SEC63: variants seen among roughly 807,000 people sequenced by gnomAD.
SEC63 encodes the protein SEC63 protein translocation regulator.
SEC63 carries 56 observed loss-of-function variants against 116.2 expected under a neutral mutation model. That is an observed-to-expected ratio of 0.48 (90% confidence interval 0.39 to 0.60). SEC63 has a LOEUF of 0.60. Among genes scored for constraint, SEC63 ranks in the 20% least tolerant of loss-of-function variants. The pLI, the probability that SEC63 is intolerant of heterozygous loss-of-function variation, is 0.00. For missense variants in SEC63, 668 were observed against 900.0 expected (o/e 0.74, Z 3.30); for synonymous variants, 273 against 294.6 (o/e 0.93, Z 0.75).
Position 107,950,551 on chromosome 6 carries a change from T to C in SEC63, c.124+7335A>G, listed in dbSNP as rs186721111. On this transcript the variant is annotated intron_variant, in intron 1 of 20. Coordinates refer to ENST00000369002, the MANE Select transcript of SEC63 (RefSeq NM_007214.5). ...GATATTTTATTTTGAAAGACAGATA[T>C]CATACAAAGTATCTTCTCTGACCGT... is the stretch of plus-strand genomic sequence containing the variant. 8.5e-5 allele frequency among the ~76,000 whole-genome samples: 13 copies of C among 152,296 alleles called. No homozygotes were observed. The East Asian group carries it at 1.5e-3, about 18-fold the overall frequency.
At chr6:107,897,001 A>G (rs73499147) in intron 14 of SEC63, among the ~76,000 whole-genome samples, 6,017 of 150,336 alleles carry the variant, frequency 0.04, 397 homozygotes, top group African/African-American at 0.14. Context: ...AAAAAGAAGG[A>G]AGGGAGGGAA....
chr6:107,893,944 T>C, intron 14 of SEC63, 47 bp from the exon 15 acceptor site: 1 of 1,584,484 alleles, frequency 6.3e-7, no homozygotes, highest in Non-Finnish European at 8.7e-7. Context: ...AACCTATATT[T>C]ATCTTTCAGA....
chr6:107,903,667 T>C (rs1018994165), intron 11 of SEC63, among the ~76,000 whole-genome samples: 4 of 152,152 alleles, frequency 2.6e-5, no homozygotes, highest in African/African-American at 9.7e-5. Flanking sequence ...ATTACCCTAC[T>C]GGACTCCAGC....
At chr6:107,951,413 C>G (rs972691864) in intron 1 of SEC63, among the ~76,000 whole-genome samples, 1 of 152,152 alleles carries the variant, frequency 6.6e-6, no homozygotes, top group African/African-American at 2.4e-5. Flanking sequence ...TCTGTAAGTG[C>G]TTCTTAGCTA....
At position 107,921,912 on chromosome 6, in the gene SEC63, G is replaced by GGGT; in HGVS notation, c.340-4_340-3insACC. 1.5e-6 allele frequency: 2 copies of GGGT among 1,294,322 alleles called. No individual in the cohort carries two copies. Among genetic ancestry groups the GGGT allele is most frequent in the Non-Finnish European group, 1.0e-6 (1 of 970,676 alleles). The allele number at this position is 1,294,322 out of a possible 1,614,324, so 80.2% of individuals were successfully genotyped here. ...TTAATTTCTGCTACTGTGGCTCCCTGGGGAAAAACAAAAAAAAAAAACAAG... is the reference window on the plus strand; with the variant it reads ...TTAATTTCTGCTACTGTGGCTCCCTGGGTGGGAAAAACAAAAAAAAAAAACAAG... On this transcript the variant is annotated splice_region_variant and splice_polypyrimidine_tract_variant and intron_variant, in intron 3 of 20. Coordinates refer to ENST00000369002, the MANE Select transcript of SEC63 (RefSeq NM_007214.5).
intron 7 of SEC63, 168 bp downstream of exon 7, chr6:107,911,178 A>G (rs1240286731): frequency 3.2e-6 from 2 of 630,920 alleles, no homozygotes; most frequent in African/African-American, 3.7e-5. Flanking sequence ...CGCAACCTCA[A>G]ACACCTAGGC....
At position 107,943,045 on chromosome 6, in the gene SEC63, A is replaced by G. The variant is rs1419772308; in HGVS notation, c.125-13531T>C. ...TATGGTATCACACTGAATACAAAGAAAAATACAAGAGAACCTCAAGAGATC... is the reference window on the plus strand; with the variant it reads ...TATGGTATCACACTGAATACAAAGAGAAATACAAGAGAACCTCAAGAGATC... On this transcript the variant is annotated intron_variant, in intron 1 of 20. Transcript: ENST00000369002. 6.6e-5 allele frequency among the ~76,000 whole-genome samples: 10 copies of G among 152,224 alleles called. No individual in the cohort carries two copies. The East Asian group carries it at 1.9e-3, about 29-fold the overall frequency.
rs1786996894 is a variant in SEC63 at position 107,901,277 on chromosome 6, T to C, written c.1357+93A>G. On this transcript the variant is annotated intron_variant, in intron 13 of 20. Coordinates refer to ENST00000369002, the MANE Select transcript of SEC63 (RefSeq NM_007214.5). Reference sequence around the variant, plus strand: ...CAAAGTCTAATAACAAGTTATGTTATTAAGTACAGTGTTTTGAGAATCCTG... The same window carrying C: ...CAAAGTCTAATAACAAGTTATGTTACTAAGTACAGTGTTTTGAGAATCCTG... The C allele has an allele frequency of 1.7e-5, 21 of 1,225,636 alleles. No individual in the cohort carries two copies. In the South Asian group the frequency reaches 2.5e-4, roughly 15 times the overall value. The allele number at this position is 1,225,636 out of a possible 1,614,324, so 75.9% of individuals were successfully genotyped here.
chr6:107,920,267 CA>C (rs917712230), intron 4 of SEC63, among the ~76,000 whole-genome samples: 1 of 151,284 alleles, frequency 6.6e-6, no homozygotes, highest in Non-Finnish European at 1.5e-5. Context: ...GCTAAAAATA[CA>C]AAAAAACATT....
rs1787046449 is a variant in SEC63 at position 107,903,100 on chromosome 6, C to T, written c.1055-102G>A. 9 of 1,173,896 alleles carry T rather than the reference C, an allele frequency of 7.7e-6. No individual in the cohort carries two copies. In the South Asian group the frequency reaches 9.0e-5, roughly 12 times the overall value. The allele number at this position is 1,173,896 out of a possible 1,614,324, so 72.7% of individuals were successfully genotyped here. A position where few individuals can be genotyped will look rare whatever the true frequency, so the allele number is the denominator to read the frequency against. On this transcript the variant is annotated intron_variant, in intron 11 of 20. Coordinates refer to ENST00000369002, the MANE Select transcript of SEC63 (RefSeq NM_007214.5). ...AAAATTCACACTAAATCCATAACAC[C>T]TCAAATTTGAGGATCATAGTAAGAT...
chr6:107,881,245 C>T lies in SEC63; in HGVS notation c.1839G>A (p.Trp613Ter). 6.2e-7 allele frequency: 1 copy of T among 1,607,516 alleles called. No individual in the cohort carries two copies. The highest frequency in any genetic ancestry group is 8.5e-7 in the Non-Finnish European group (1 of 1,175,166). The change falls in exon 18 of 21, where the codon TGG becomes TGA. Residue 613 changes from tryptophan to a stop codon, truncating the protein, a stop_gained. Transcript: ENST00000369002. LOFTEE classifies it high-confidence loss of function. ...GCTGTATGCTTTGTTGTAATTCTTG[C>T]CACTCCTAGTAAACAAAAAAATTAA... ...EKQNKDDEAE[W>*]QELQQSIQRK... is the part of the protein sequence containing the mutation.
At chr6:107,895,442 C>T (rs919678453) in intron 14 of SEC63, among the ~76,000 whole-genome samples, 1 of 152,106 alleles carries the variant, frequency 6.6e-6, no homozygotes, top group Non-Finnish European at 1.5e-5. Context: ...GGCTTGGTGG[C>T]TCACACCTGT....
chr6:107,925,022 A>C (rs1787644522), intron 2 of SEC63, 90 bp from the exon 3 acceptor site: 6 of 769,030 alleles, frequency 7.8e-6, no homozygotes, highest in Non-Finnish European at 1.4e-5. Context: ...AAAACTCTAC[A>C]GTAGTACCAT....
intron 13 of SEC63, among the ~76,000 whole-genome samples, chr6:107,899,610 T>C (rs1786950739): frequency 6.6e-6 from 1 of 151,874 alleles, no homozygotes; most frequent in Non-Finnish European, 1.5e-5. Context: ...TCCCAGCTAC[T>C]TGGGAGGGCT....
intron 16 of SEC63, among the ~76,000 whole-genome samples, chr6:107,883,914 C>T (rs1786469180): frequency 6.6e-6 from 1 of 151,772 alleles, no homozygotes; most frequent in African/African-American, 2.4e-5. Context: ...CAGCAAAATA[C>T]TAGCTCACTT....
intron 1 of SEC63, among the ~76,000 whole-genome samples, chr6:107,955,435 G>GGCAGGCGTGAGCCACC (rs1770692117): frequency 6.6e-6 from 1 of 152,086 alleles, no homozygotes; most frequent in Non-Finnish European, 1.5e-5. Flanking sequence ...AGTGAGCCAC[G>GGCAGGCGTGAGCCACC]GCAGGCGTGA....
chr6:107,892,571 A>C (rs1786708909), intron 16 of SEC63, among the ~76,000 whole-genome samples: 1 of 152,214 alleles, frequency 6.6e-6, no homozygotes, highest in East Asian at 1.9e-4. Context: ...GAGACTAATG[A>C]AATTGACCTC....
At position 107,897,655 on chromosome 6, in the gene SEC63, T is replaced by G. The variant is rs534999346; in HGVS notation, c.1434A>C (p.Thr478=). Residue 478 remains threonine, a synonymous_variant, in exon 14 of 21, where the codon ACA becomes ACC. Transcript: ENST00000369002. ...ATACAGATAGACTACTTACAGCCAT[T>G]GTTTGCCTTGTCAACTTAACCAACA... ...VTVLVKLTRQ[T]MAEVFEKEQS... 5 of 1,593,042 alleles carry G rather than the reference T, an allele frequency of 3.1e-6. No homozygotes were observed. The East Asian group carries it at 1.1e-4, about 36-fold the overall frequency.
At chr6:107,926,455 G>C (rs1373755386) in intron 2 of SEC63, among the ~76,000 whole-genome samples, 1 of 151,992 alleles carries the variant, frequency 6.6e-6, no homozygotes, top group African/African-American at 2.4e-5. Flanking sequence ...GCTCACTGCA[G>C]CCTCGACCTC....
Sources: allele counts gnomAD v4.1 joint callset (sites outside exome capture counted in the v4.1 genomes callset), GRCh38; gene constraint gnomAD v4.1.1; transcripts MANE v1.5; gene names NCBI Gene and HGNC (gene_info 2026-07-23, HGNC 2026-07-21).